The following NCOA4 variants were observed in gnomAD, a reference collection of about 807,000 sequenced individuals.
NCOA4 encodes 70 kDa AR-activator.
In NCOA4, 31 loss-of-function variants were observed where a neutral mutation model predicts 69.5. The ratio of observed to expected loss-of-function variants is 0.45; its 90% CI spans 0.34 to 0.60. The LOEUF (loss-of-function observed/expected upper bound fraction) is 0.60. NCOA4 is among the 20% of genes least tolerant of loss of function. The pLI is 0.02. For missense variants in NCOA4, 600 were observed against 719.2 expected (o/e 0.83, Z 1.90); for synonymous variants, 228 against 252.4 (o/e 0.90, Z 0.92).
At chr10:46,020,138 A>G (rs1839791738) in intron 1 of NCOA4, among the ~76,000 whole-genome samples, 1 of 152,212 alleles carries the variant, frequency 6.6e-6, no homozygotes, top group South Asian at 2.1e-4. Flanking sequence ...ACATCCAAAG[A>G]GACTTGTATG....
intron 7 of NCOA4, 79 bp downstream of exon 7, chr10:46,012,801 AATG>A (rs1839312517): frequency 2.8e-6 from 2 of 708,952 alleles, no homozygotes; most frequent in Non-Finnish European, 1.9e-6. Context: ...AAAAGTTAAC[AATG>A]ACACATAGTA....
At chr10:46,027,400 C>T (rs1327875087) in intron 1 of NCOA4, 1 of 1,547,482 alleles carries the variant, frequency 6.5e-7, no homozygotes, top group Non-Finnish European at 8.7e-7. Context: ...GCTCCTCTAA[C>T]TGACATGCAT....
chr10:46,015,188 C>G lies in NCOA4; in HGVS notation c.220G>C (p.Val74Leu). ...RSREVWLYEQVDLIYQLKEET... is the reference protein window; with the variant it reads ...RSREVWLYEQLDLIYQLKEET... ...TCTTTAAGCTGATAAATAAGGTCCACCTGTTCATACAGCCATACCTCACGG... is the reference window on the plus strand; with the variant it reads ...TCTTTAAGCTGATAAATAAGGTCCAGCTGTTCATACAGCCATACCTCACGG... The change falls in exon 3 of 10, where the codon GTG becomes CTG. Residue 74 changes from valine to leucine, a missense_variant. Transcript: ENST00000581486. 1 of 1,614,146 alleles carries G rather than the reference C, an allele frequency of 6.2e-7. No individual in the cohort carries two copies. Among genetic ancestry groups the G allele is most frequent in the Admixed American group, 1.7e-5 (1 of 60,026 alleles).
At chr10:46,018,133 A>T (rs1787154316) in intron 1 of NCOA4, among the ~76,000 whole-genome samples, 1 of 152,228 alleles carries the variant, frequency 6.6e-6, no homozygotes, top group Non-Finnish European at 1.5e-5. Context: ...TGACAGACTA[A>T]GGCCAGTTTG....
chr10:46,011,213 A>G lies in NCOA4; in HGVS notation c.715-7T>C, dbSNP rs1554921460. On this transcript the variant is annotated splice_polypyrimidine_tract_variant and splice_region_variant and intron_variant, in intron 7 of 9. Coordinates refer to ENST00000581486, the MANE Select transcript of NCOA4 (RefSeq NM_001145263.2). ...TGCAGGCTCTGGAAGAAGTCTACAC[A>G]AAAAGTACACAGTATTAGTTTGCCA... The G allele has an allele frequency of 1.3e-6, 2 of 1,574,882 alleles. No individual in the cohort carries two copies. The highest frequency in any genetic ancestry group is 1.7e-6 in the Non-Finnish European group (2 of 1,166,062).
rs188146806 is a variant in NCOA4 at position 46,020,762 on chromosome 10, G to A, written c.-14-4068C>T. On this transcript the variant is annotated intron_variant, in intron 1 of 9. Coordinates refer to ENST00000581486, the MANE Select transcript of NCOA4 (RefSeq NM_001145263.2). Reference sequence around the variant, plus strand: ...TGGATATTTTTGACTGTTTTCTTACGTGTAGAAAGATTGGACCAAATCAGC... The same window carrying A: ...TGGATATTTTTGACTGTTTTCTTACATGTAGAAAGATTGGACCAAATCAGC... Among the ~76,000 whole-genome samples the A allele has an allele frequency of 7.2e-5, 11 of 152,156 alleles. No individual in the cohort carries two copies. In the South Asian group the frequency reaches 8.3e-4, roughly 11 times the overall value.
intron 1 of NCOA4, chr10:46,023,533 T>C: frequency 2.0e-6 from 2 of 985,298 alleles, no homozygotes; most frequent in Non-Finnish European, 2.4e-6. Context: ...ATTGTTGCCC[T>C]GCTCCCAGCC....
rs557825904 is a variant in NCOA4 at position 46,025,916 on chromosome 10, T to C, written c.-15+4610A>G. Among the ~76,000 whole-genome samples the C allele has an allele frequency of 2.6e-5, 4 of 152,354 alleles. No homozygotes were observed. The South Asian group carries it at 8.3e-4, about 32-fold the overall frequency. Reference sequence around the variant, plus strand: ...ACATCCTAATACTAAGCAGACAACCTGGTATCAGTACCTTGTCATTACCAA... The same window carrying C: ...ACATCCTAATACTAAGCAGACAACCCGGTATCAGTACCTTGTCATTACCAA... On this transcript the variant is annotated intron_variant, in intron 1 of 9. Transcript: ENST00000581486.
intron 7 of NCOA4, 48 bp downstream of exon 7, chr10:46,012,835 C>A (rs782467920): frequency 1.6e-5 from 26 of 1,598,174 alleles, no homozygotes; most frequent in Non-Finnish European, 2.0e-5. Context: ...GTAACTAACT[C>A]CACCTACTGC....
chr10:46,016,603 G>C lies in NCOA4; in HGVS notation c.78C>G (p.Asp26Glu). Residue 26 changes from aspartate (D) to glutamate (E), a missense_variant, in exon 2 of 10, where the codon GAC becomes GAG. Coordinates refer to ENST00000581486, the MANE Select transcript of NCOA4 (RefSeq NM_001145263.2). The stretch of plus-strand genomic sequence containing the variant: ...GAACTCCACCAATAGCAAGCTCCAA[G>C]TCCCTCCGTGCATCACTACACCTCA... ...PLLRCSDARRDLELAIGGVLR... is the reference protein window; with the variant it reads ...PLLRCSDARRELELAIGGVLR... 2 of 1,565,440 alleles carry C rather than the reference G, an allele frequency of 1.3e-6. No homozygotes were observed. The highest frequency in any genetic ancestry group is 1.7e-6 in the Non-Finnish European group (2 of 1,149,812).
chr10:46,026,965 A>G (rs1486035085), intron 1 of NCOA4, among the ~76,000 whole-genome samples: 1 of 152,146 alleles, frequency 6.6e-6, no homozygotes, highest in Non-Finnish European at 1.5e-5. Flanking sequence ...ACAACTTGGG[A>G]TAAGAATGAC....
Position 46,010,343 on chromosome 10 carries a change from G to T in NCOA4, c.1578C>A (p.Pro526=), listed in dbSNP as rs1554920886. The change falls in exon 8 of 10, where the codon CCC becomes CCA. Residue 526 remains proline (P), a synonymous_variant. Coordinates refer to ENST00000581486, the MANE Select transcript of NCOA4 (RefSeq NM_001145263.2). ...TAAAGGAACACCAGGAAGTATTCAT[G>T]GGGCTTTTAAACTTCTGTTTGCCAG... is the stretch of plus-strand genomic sequence containing the variant. The part of the protein sequence containing the change: ...DRAGKQKFKS[P]MNTSWCSFNT... 8 of 1,613,996 alleles carry T rather than the reference G, an allele frequency of 5.0e-6. No homozygotes were observed. In the Admixed American group the frequency reaches 1.3e-4, roughly 27 times the overall value.
rs115731988 is a variant in NCOA4 at position 46,009,876 on chromosome 10, G to A, written c.1699-325C>T. Among the ~76,000 whole-genome samples, 723 of 152,274 alleles carry A rather than the reference G, an allele frequency of 4.7e-3. 5 individuals carry two copies. Among genetic ancestry groups the A allele is most frequent in the East Asian group, 0.019 (98 of 5,176 alleles). On this transcript the variant is annotated intron_variant, in intron 8 of 9. Coordinates refer to ENST00000581486, the MANE Select transcript of NCOA4 (RefSeq NM_001145263.2). ...TGCAAGGTTTGGGATTATGAAATAT[G>A]AAACTCTAGGCTGGGTGTGGTGGAT...
chr10:46,025,239 G>C (rs1255274213), intron 1 of NCOA4, among the ~76,000 whole-genome samples: 1 of 152,168 alleles, frequency 6.6e-6, no homozygotes, highest in East Asian at 1.9e-4. Flanking sequence ...GTTGTCCAAA[G>C]ACAGGAGAGG....
intron 1 of NCOA4, among the ~76,000 whole-genome samples, chr10:46,020,331 C>T (rs1281521123): frequency 1.3e-5 from 2 of 152,134 alleles, no homozygotes; most frequent in Non-Finnish European, 2.9e-5. Context: ...CCTCAACTTC[C>T]TCAGGAAAAA....
chr10:46,022,545 C>T, intron 1 of NCOA4: 1 of 433,870 alleles, frequency 2.3e-6, no homozygotes, highest in Non-Finnish European at 4.6e-6. Context: ...ACTGCAAGCT[C>T]CACCTCCCGG....
rs71026287 is a variant in NCOA4, at chr10:46,007,581, C to CTTTT, written c.1840-988_1840-985dup. ...TTAGGGACTAACACAGCCAGTGACT[C>CTTTT]TTTTTTTTTTTTTTTTTTTTTTTTT... On this transcript the variant is annotated intron_variant, in intron 9 of 9. Transcript: ENST00000581486. 1.6e-4 allele frequency among the ~76,000 whole-genome samples: 14 copies of CTTTT among 85,486 alleles called. 1 individual carries two copies. The highest frequency in any genetic ancestry group is 3.9e-4 in the African/African-American group (8 of 20,324). 56.1% of individuals were successfully genotyped at this position (85,486 alleles called of 152,430 possible).
chr10:46,024,356 C>A (rs1840047914), intron 1 of NCOA4, among the ~76,000 whole-genome samples: 1 of 152,106 alleles, frequency 6.6e-6, no homozygotes, highest in South Asian at 2.1e-4. Flanking sequence ...ATTTTATGTG[C>A]CTCTGAAAAA....
At chr10:46,013,109 G>T (rs943657860) in intron 6 of NCOA4, 83 bp from the exon 7 acceptor site, 11 of 1,386,102 alleles carry the variant, frequency 7.9e-6, no homozygotes, top group Non-Finnish European at 1.1e-5. Flanking sequence ...ATCTTGGCTT[G>T]CCACTGACCC....
Sources: gnomAD v4.1 joint callset for allele counts (sites outside exome capture counted in the v4.1 genomes callset) on GRCh38, gnomAD v4.1.1 for gene constraint, MANE v1.5 for transcripts, NCBI Gene and HGNC (gene_info 2026-07-23, HGNC 2026-07-21) for gene names.